ATM: variants seen among roughly 807,000 people sequenced by gnomAD.
The protein encoded by ATM is serine-protein kinase ATM.
ATM carries 308 observed loss-of-function variants against 387.0 expected under a neutral mutation model. The observed-to-expected ratio is 0.80, with a 90% CI of 0.73 to 0.87. The LOEUF is 0.87. Ranked by LOEUF, ATM falls within the 40% of genes least tolerant of loss-of-function variation. The pLI is 0.00. For synonymous variants in ATM, 1,156 were observed against 1,187.3 expected, an observed-to-expected ratio of 0.97 and a Z score of 0.54; for missense variants, 3,312 against 3,560.9, an observed-to-expected ratio of 0.93 and a Z score of 1.78.
At chr11:108,286,386 A>AAGCC (rs909176761) in intron 26 of ATM, among the ~76,000 whole-genome samples, 1 of 151,988 alleles carries the variant, frequency 6.6e-6, no homozygotes, top group Non-Finnish European at 1.5e-5. Context: ...TGAAGCAACA[A>AAGCC]AGCCAGAGAT....
intron 16 of ATM, among the ~76,000 whole-genome samples, chr11:108,262,879 G>A (rs1490128090): frequency 9.3e-4 from 137 of 147,508 alleles, no homozygotes; most frequent in African/African-American, 1.4e-3. Flanking sequence ...GATCAAAAGA[G>A]ACAAAGAAGG....
intron 33 of ATM, among the ~76,000 whole-genome samples, chr11:108,297,733 G>C (rs2083203102): frequency 6.6e-6 from 1 of 152,094 alleles, no homozygotes; most frequent in East Asian, 1.9e-4. Context: ...AAATAAGTGA[G>C]GGTTTGTCAT....
Position 108,343,496 on chromosome 11 carries a change from A to C in ATM, c.8418+125A>C, listed in dbSNP as rs557103049. 21 of 1,164,584 alleles carry C rather than the reference A, an allele frequency of 1.8e-5. No homozygotes were observed. The South Asian group carries it at 3.1e-4, about 17-fold the overall frequency. 72.1% of individuals were successfully genotyped at this position (1,164,584 alleles called of 1,614,324 possible). ...TCATCAGGTAATTGTCAAAGATACT[A>C]AGTAAAAGAAAAACTCATCAGAATG... is the stretch of plus-strand genomic sequence containing the variant. On this transcript the variant is annotated intron_variant, in intron 57 of 62. Transcript: ENST00000675843.
intron 17 of ATM, 53 bp from the exon 18 acceptor site, chr11:108,268,357 T>C (rs2135521415): frequency 6.5e-7 from 1 of 1,530,900 alleles, no homozygotes; most frequent in Non-Finnish European, 9.0e-7. Context: ...AATATGACTA[T>C]ATATGGCTGT....
chr11:108,335,811 T>G, intron 55 of ATM, 34 bp from the exon 56 acceptor site: 1 of 1,523,642 alleles, frequency 6.6e-7, no homozygotes, highest in Non-Finnish European at 9.1e-7. Context: ...TAAAATAAAC[T>G]GTACTTGTTT....
At chr11:108,300,740 C>G (rs558373217) in intron 34 of ATM, among the ~76,000 whole-genome samples, 1 of 152,226 alleles carries the variant, frequency 6.6e-6, no homozygotes, top group Admixed American at 6.5e-5. Flanking sequence ...AAGTTTCAAA[C>G]ATACAGCACA....
chr11:108,323,971 T>C (rs1247645101), intron 45 of ATM, among the ~76,000 whole-genome samples: 1 of 152,154 alleles, frequency 6.6e-6, no homozygotes, highest in Non-Finnish European at 1.5e-5. Flanking sequence ...CTAAGTTTTG[T>C]TTTGTTTTGG....
intron 60 of ATM, among the ~76,000 whole-genome samples, 190 bp downstream of exon 60, chr11:108,354,070 AACAC>A (rs71047689): frequency 4.1e-3 from 471 of 114,944 alleles, no homozygotes; most frequent in South Asian, 0.021. Context: ...CACACACACA[AACAC>A]ACACACACAC....
intron 23 of ATM, among the ~76,000 whole-genome samples, chr11:108,280,350 T>C (rs1206188755): frequency 1.3e-5 from 2 of 152,216 alleles, no homozygotes; most frequent in East Asian, 3.8e-4. Context: ...TTGTATCTTG[T>C]GATTATAGTA....
intron 11 of ATM, 138 bp from the exon 12 acceptor site, chr11:108,252,679 G>T (rs1481573947): frequency 4.6e-6 from 3 of 656,530 alleles, no homozygotes; most frequent in Non-Finnish European, 8.1e-6. Flanking sequence ...AAGAAATTTA[G>T]TATAGATGAA....
intron 52 of ATM, 143 bp from the exon 53 acceptor site, chr11:108,332,617 CTG>C: frequency 2.3e-6 from 2 of 868,422 alleles, no homozygotes; most frequent in Non-Finnish European, 3.5e-6. Flanking sequence ...TCATTTATGA[CTG>C]TTTTGTTTGT....
At chr11:108,352,448 C>T (rs1012078695) in intron 59 of ATM, among the ~76,000 whole-genome samples, 1 of 151,930 alleles carries the variant, frequency 6.6e-6, no homozygotes, top group Non-Finnish European at 1.5e-5. Flanking sequence ...AAGACAGAGC[C>T]GTAGAAATTA....
At chr11:108,333,093 G>A (rs1027578411) in intron 53 of ATM, among the ~76,000 whole-genome samples, 193 bp downstream of exon 53, 4 of 152,064 alleles carry the variant, frequency 2.6e-5, no homozygotes, top group Non-Finnish European at 5.9e-5. Context: ...ACTGGTAATA[G>A]GTGACTACAC....
At position 108,368,763 on chromosome 11, in the gene ATM, C is replaced by T. The variant is rs969006284; in HGVS notation, c.*3255C>T. The T allele has an allele frequency of 4.7e-6, 1 of 211,550 alleles. No homozygotes were observed. 13.1% of individuals were successfully genotyped at this position (211,550 alleles called of 1,614,324 possible). On this transcript the variant is annotated 3_prime_UTR_variant, in exon 63 of 63. Transcript: ENST00000675843. The stretch of plus-strand genomic sequence containing the variant: ...CCCTACTTTGTGCAGGTCATACCTC[C>T]CCAAAGTGTTTACCTAATCAGTAGG...
chr11:108,244,668 C>T (rs1435965202), intron 6 of ATM, 120 bp from the exon 7 acceptor site: 3 of 817,616 alleles, frequency 3.7e-6, no homozygotes, highest in African/African-American at 1.7e-5. Flanking sequence ...GAAATTAAGA[C>T]TACTGTTTGA....
chr11:108,286,846 T>C (rs1263243004), intron 26 of ATM, among the ~76,000 whole-genome samples: 1 of 152,228 alleles, frequency 6.6e-6, no homozygotes, highest in Middle Eastern at 3.2e-3. Flanking sequence ...TCCTTATGCA[T>C]TAAGTAAATT....
At chr11:108,324,258 G>A (rs2085444054) in intron 45 of ATM, among the ~76,000 whole-genome samples, 1 of 152,062 alleles carries the variant, frequency 6.6e-6, no homozygotes, top group Non-Finnish European at 1.5e-5. Flanking sequence ...AAAATGCCCT[G>A]CCATTTTAAA....
At chr11:108,353,591 A>G (rs1311996209) in intron 59 of ATM, among the ~76,000 whole-genome samples, 175 bp from the exon 60 acceptor site, 2 of 152,236 alleles carry the variant, frequency 1.3e-5, no homozygotes, top group African/African-American at 4.8e-5. Flanking sequence ...TGGATCTCAC[A>G]GACAGTGACA....
chr11:108,264,304 C>G (rs992315130), intron 16 of ATM, among the ~76,000 whole-genome samples: 2 of 152,102 alleles, frequency 1.3e-5, no homozygotes, highest in African/African-American at 4.8e-5. Flanking sequence ...GGCTTCATCC[C>G]TGGGATGCCA....
Sources: allele counts gnomAD v4.1 joint callset (sites outside exome capture counted in the v4.1 genomes callset), GRCh38; gene constraint gnomAD v4.1.1; transcripts MANE v1.5; gene names NCBI Gene and HGNC (gene_info 2026-07-23, HGNC 2026-07-21).